Variants in LPAR1 observed in about 807,000 individuals in gnomAD.
The protein encoded by LPAR1 is LPA receptor 1.
A neutral mutation model predicts 23.8 loss-of-function variants in LPAR1; 5 were observed. The observed-to-expected ratio is 0.21, with a 90% confidence interval of 0.11 to 0.44. The LOEUF (loss-of-function observed/expected upper bound fraction) is 0.44, where lower values mean the gene tolerates loss of function less well. Among genes scored for constraint, LPAR1 ranks in the 20% least tolerant of loss-of-function variants. The pLI, the probability that LPAR1 is intolerant of heterozygous loss-of-function variation, is 0.99. For missense variants in LPAR1, 311 were observed against 482.8 expected (o/e 0.64, Z 3.33); for synonymous variants, 160 against 164.7 (o/e 0.97, Z 0.22).
intron 4 of LPAR1, among the ~76,000 whole-genome samples, chr9:110,961,047 TCTA>T (rs1384660309): frequency 7.3e-6 from 1 of 137,382 alleles, no homozygotes; most frequent in African/African-American, 2.8e-5. Flanking sequence ...TTTATTATCT[TCTA>T]CTACCTTCCA....
intron 4 of LPAR1, among the ~76,000 whole-genome samples, chr9:110,958,487 C>T (rs2095836615): frequency 6.6e-6 from 1 of 152,164 alleles, no homozygotes; most frequent in African/African-American, 2.4e-5. Context: ...GGAAAGAAAC[C>T]CTCTTCAATA....
intron 4 of LPAR1, among the ~76,000 whole-genome samples, chr9:110,956,721 C>T (rs2095768538): frequency 6.6e-6 from 1 of 152,042 alleles, no homozygotes; most frequent in Admixed American, 6.6e-5. Flanking sequence ...AAACATACAA[C>T]CTACCAAGAT....
rs565867967 is a variant in LPAR1 at position 111,025,514 on chromosome 9, A to G, written c.-182+10608T>C. On this transcript the variant is annotated intron_variant, in intron 2 of 5. Transcript: ENST00000683809. ...TGTAGGTTGCCTGTTCACTCTGATGATAGTTTCTTTTGCTGTGCAGAAGCT... is the reference window on the plus strand; with the variant it reads ...TGTAGGTTGCCTGTTCACTCTGATGGTAGTTTCTTTTGCTGTGCAGAAGCT... Among the ~76,000 whole-genome samples the G allele has an allele frequency of 1.4e-3, 209 of 152,180 alleles. 1 individual carries two copies. The highest frequency in any genetic ancestry group is 5.0e-3 in the South Asian group (24 of 4,822).
rs988663895 is a variant in LPAR1, at chr9:110,881,940, G to A, written c.794-6218C>T. Among the ~76,000 whole-genome samples, 4 of 152,184 alleles carry A rather than the reference G, an allele frequency of 2.6e-5. 1 individual carries two copies. Among genetic ancestry groups the A allele is most frequent in the South Asian group, 4.1e-4 (2 of 4,822 alleles). On this transcript the variant is annotated intron_variant, in intron 5 of 5. Coordinates refer to ENST00000683809, the MANE Select transcript of LPAR1 (RefSeq NM_001351411.2). ...CTCTTTCCACTCGCTCCTCATTTAC[G>A]AGGTTCCAGTCACACAGACCAAGCC...
intron 5 of LPAR1, among the ~76,000 whole-genome samples, chr9:110,881,869 A>T (rs1344083656): frequency 3.3e-5 from 5 of 152,172 alleles, no homozygotes; most frequent in African/African-American, 1.2e-4. Flanking sequence ...ACTGCTATCC[A>T]TAATGCCCTA....
At chr9:110,886,149 G>C (rs1249321287) in intron 5 of LPAR1, among the ~76,000 whole-genome samples, 2 of 145,834 alleles carry the variant, frequency 1.4e-5, no homozygotes, top group East Asian at 4.0e-4. Flanking sequence ...AGTGAGCCAA[G>C]ATTGCACCAT....
At chr9:110,963,004 G>A (rs2096061570) in intron 4 of LPAR1, among the ~76,000 whole-genome samples, 3 of 152,172 alleles carry the variant, frequency 2.0e-5, no homozygotes, top group African/African-American at 7.2e-5. Flanking sequence ...AAAGACAGCT[G>A]GAGAATCTAG....
chr9:110,895,009 C>T lies in LPAR1; in HGVS notation c.794-19287G>A, dbSNP rs188076575. ...CTCCAGCCTGGATGACAAAGCAAGA[C>T]CTAGTCTTAAAAAATAAAAAAAGAA... On this transcript the variant is annotated intron_variant, in intron 5 of 5. Transcript: ENST00000683809. 1.3e-4 allele frequency among the ~76,000 whole-genome samples: 20 copies of T among 152,130 alleles called. No individual in the cohort carries two copies. The East Asian group carries it at 2.7e-3, about 21-fold the overall frequency.
At chr9:110,929,904 A>G (rs937195572) in intron 5 of LPAR1, among the ~76,000 whole-genome samples, 5 of 152,128 alleles carry the variant, frequency 3.3e-5, no homozygotes, top group South Asian at 4.1e-4. Context: ...CATTTTTTCA[A>G]TCTGTATCAG....
chr9:111,031,383 C>T (rs778701467), intron 2 of LPAR1, among the ~76,000 whole-genome samples: 219 of 137,714 alleles, frequency 1.6e-3, no homozygotes, highest in Non-Finnish European at 2.5e-3. Flanking sequence ...GTAGTGAGAG[C>T]CCATTTCTTT....
chr9:110,879,545 T>C (rs2080139939), intron 5 of LPAR1, among the ~76,000 whole-genome samples: 1 of 152,100 alleles, frequency 6.6e-6, no homozygotes, highest in Non-Finnish European at 1.5e-5. Flanking sequence ...ATTTGAAATT[T>C]GTCCAGTCCA....
intron 5 of LPAR1, among the ~76,000 whole-genome samples, chr9:110,937,222 C>G (rs1343699858): frequency 6.6e-6 from 1 of 152,236 alleles, no homozygotes; most frequent in Non-Finnish European, 1.5e-5. Context: ...CCAGTCAGCA[C>G]AGCTAGGCAG....
intron 4 of LPAR1, among the ~76,000 whole-genome samples, chr9:110,962,978 C>A (rs1470487195): frequency 2.0e-5 from 3 of 152,072 alleles, no homozygotes; most frequent in African/African-American, 7.2e-5. Context: ...AGCAAAGCTG[C>A]AACAAAAGTT....
chr9:110,933,660 T>C (rs1017319838), intron 5 of LPAR1, among the ~76,000 whole-genome samples: 3 of 152,196 alleles, frequency 2.0e-5, no homozygotes, highest in African/African-American at 4.8e-5. Context: ...CCACAATTCA[T>C]TTAAGAAATC....
chr9:110,888,654 C>T (rs549477430), intron 5 of LPAR1, among the ~76,000 whole-genome samples: 1 of 151,160 alleles, frequency 6.6e-6, no homozygotes, highest in East Asian at 1.9e-4. Context: ...AAGTAAGATA[C>T]ATTTTAGAGG....
chr9:110,981,627 A>T (rs1307915803), intron 2 of LPAR1, among the ~76,000 whole-genome samples: 1 of 152,078 alleles, frequency 6.6e-6, no homozygotes, highest in Non-Finnish European at 1.5e-5. Context: ...CTAAAAATTT[A>T]AAACTACAAA....
At chr9:110,983,786 TAAATC>T (rs1265025995) in intron 2 of LPAR1, among the ~76,000 whole-genome samples, 3 of 150,266 alleles carry the variant, frequency 2.0e-5, no homozygotes, top group Admixed American at 1.3e-4. Flanking sequence ...ATGGGGAAAA[TAAATC>T]AAATCATAAT....
intron 2 of LPAR1, among the ~76,000 whole-genome samples, chr9:111,020,357 C>A (rs1189584883): frequency 6.6e-6 from 1 of 152,228 alleles, no homozygotes; most frequent in Non-Finnish European, 1.5e-5. Flanking sequence ...AAGCCCTCTA[C>A]TTTAAGATGA....
At chr9:111,030,917 C>T (rs1289177541) in intron 2 of LPAR1, among the ~76,000 whole-genome samples, 1 of 152,088 alleles carries the variant, frequency 6.6e-6, no homozygotes, top group East Asian at 1.9e-4. Flanking sequence ...GATACACACA[C>T]AAACATACAT....
Sources: gnomAD v4.1 joint callset for allele counts (sites outside exome capture counted in the v4.1 genomes callset) on GRCh38, gnomAD v4.1.1 for gene constraint, MANE v1.5 for transcripts, NCBI Gene and HGNC (gene_info 2026-07-23, HGNC 2026-07-21) for gene names.